HIC1: variants seen among roughly 807,000 people sequenced by gnomAD.
HIC1 encodes hypermethylated in cancer 1 protein.
In HIC1, 9 loss-of-function variants were observed where a neutral mutation model predicts 26.4. The observed-to-expected ratio is 0.34, with a 90% CI of 0.21 to 0.59. The LOEUF is 0.59. HIC1 is among the 20% of genes least tolerant of loss of function. The pLI, the probability that HIC1 is intolerant of heterozygous loss-of-function variation, is 0.82. For synonymous variants in HIC1, 631 were observed against 523.1 expected, an observed-to-expected ratio of 1.21 and a Z score of -2.81; for missense variants, 965 against 1,075.7, an observed-to-expected ratio of 0.90 and a Z score of 1.44.
chr17:2,057,522 C>T lies in HIC1; in HGVS notation c.832C>T (p.Leu278=), dbSNP rs1028740169. 4 of 1,493,482 alleles carry T rather than the reference C, an allele frequency of 2.7e-6. No individual in the cohort carries two copies. The highest frequency in any genetic ancestry group is 3.5e-6 in the Non-Finnish European group (4 of 1,127,436). 92.5% of individuals were successfully genotyped at this position (1,493,482 alleles called of 1,614,324 possible). A position where few individuals can be genotyped will look rare whatever the true frequency, so the allele number is the denominator to read the frequency against. ...PSLPPLPFQK[L]EEAAPPSDPF... ...GCTGCCGCCGCTGCCCTTCCAGAAG[C>T]TGGAGGAGGCCGCACCGCCTTCCGA... The change falls in exon 2 of 2, where the codon CTG becomes TTG. Residue 278 remains leucine (L), a synonymous_variant. Coordinates refer to ENST00000619757, the MANE Select transcript of HIC1 (RefSeq NM_006497.4).
rs1180961884 is a variant in HIC1 at position 2,061,369 on chromosome 17, G to A, written c.*2534G>A. On this transcript the variant is annotated 3_prime_UTR_variant, in exon 2 of 2. Coordinates refer to ENST00000619757, the MANE Select transcript of HIC1 (RefSeq NM_006497.4). ...AGCATGGCCGTGGCGTGGGTTGGAA[G>A]AGGATGGTTTATTGTCTGGGTGGAT... The A allele has an allele frequency of 3.1e-6, 3 of 981,546 alleles. No individual in the cohort carries two copies. The East Asian group carries it at 8.1e-5, about 26-fold the overall frequency. The allele number at this position is 981,546 out of a possible 1,614,324, so 60.8% of individuals were successfully genotyped here. A position where few individuals can be genotyped will look rare whatever the true frequency, so the allele number is the denominator to read the frequency against.
chr17:2,057,320 C>G lies in HIC1; in HGVS notation c.630C>G (p.Leu210=), dbSNP rs777392850. Residue 210 remains leucine, a synonymous_variant, in exon 2 of 2, where the codon CTC becomes CTG. Coordinates refer to ENST00000619757, the MANE Select transcript of HIC1 (RefSeq NM_006497.4). ...CGGGACCCGGCCCGGCCGCCGCACT[C>G]TGTGCCTCGGAGCGCCGCTGCTCCC... The part of the protein sequence containing the change: ...YASGPGPAAA[L]CASERRCSPL... 11 of 1,503,872 alleles carry G rather than the reference C, an allele frequency of 7.3e-6. No individual in the cohort carries two copies. The highest frequency in any genetic ancestry group is 6.1e-5 in the South Asian group (5 of 81,350). 93.2% of individuals were successfully genotyped at this position (1,503,872 alleles called of 1,614,324 possible). A position where few individuals can be genotyped will look rare whatever the true frequency, so the allele number is the denominator to read the frequency against.
Position 2,058,591 on chromosome 17 carries a change from C to A in HIC1, c.1901C>A (p.Ala634Asp). 1 of 1,550,640 alleles carries A rather than the reference C, an allele frequency of 6.4e-7. No individual in the cohort carries two copies. Among genetic ancestry groups the A allele is most frequent in the Non-Finnish European group, 8.6e-7 (1 of 1,156,858 alleles). ...TTCCCCGAGGGCGTCTTTGCTGTGGCTCGCCTCACGGCCGAGCAGCTGAGC... is the reference window on the plus strand; with the variant it reads ...TTCCCCGAGGGCGTCTTTGCTGTGGATCGCCTCACGGCCGAGCAGCTGAGC... ...LDFPEGVFAVARLTAEQLSLK... is the reference protein window; with the variant it reads ...LDFPEGVFAVDRLTAEQLSLK... The change falls in exon 2 of 2, where the codon GCT (alanine) becomes GAT (aspartate). Residue 634 changes from alanine (A) to aspartate (D), a missense_variant. Physicochemically the swap from Ala to Asp is moderately radical, Grantham distance 126 (BLOSUM62 -2). This residue lies in a region of HIC1 where 210 missense variants were observed against 179.2 expected (regional missense o/e 1.17). Coordinates refer to ENST00000619757, the MANE Select transcript of HIC1 (RefSeq NM_006497.4).
At chr17:2,056,207 T>A (rs1304287341) in intron 1 of HIC1, 9 of 1,021,542 alleles carry the variant, frequency 8.8e-6, no homozygotes, top group Non-Finnish European at 1.2e-5. Context: ...CGCGCTCCCC[T>A]CCTCCGTATC....
In HIC1 at chr17:2,058,855, C is replaced by T; in HGVS notation, c.*20C>T. On this transcript the variant is annotated 3_prime_UTR_variant, in exon 2 of 2. Transcript: ENST00000619757. ...ACCTAGAGCGCCCCTCGCCAGCCCG[C>T]TCTGTCGCTGCTGCGCGGCCCTGGC... The T allele has an allele frequency of 7.1e-7, 1 of 1,418,314 alleles. No homozygotes were observed. The highest frequency in any genetic ancestry group is 9.2e-7 in the Non-Finnish European group (1 of 1,089,950). 87.9% of individuals were successfully genotyped at this position (1,418,314 alleles called of 1,614,324 possible).
Position 2,057,645 on chromosome 17 carries a change from CT to C in HIC1, c.956del (p.Leu319ArgfsTer115), listed in dbSNP as rs2067685437. 6.6e-7 allele frequency: 1 copy of C among 1,516,388 alleles called. No homozygotes were observed. The highest frequency in any genetic ancestry group is 1.4e-5 in the African/African-American group (1 of 69,672). 93.9% of individuals were successfully genotyped at this position (1,516,388 alleles called of 1,614,324 possible). ...TCGCTGGATGAAGCACGAGCCGGGC[CT>C]GGGTAGCTATGGCGACGAGCTGGGC... ...LYRWMKHEPG[L>X]GSYGDELGRE... is the part of the protein sequence containing the mutation. On this transcript the variant is annotated frameshift_variant, in exon 2 of 2. Transcript: ENST00000619757. LOFTEE classifies it high-confidence loss of function.
rs760909977 is a variant in HIC1 at position 2,057,227 on chromosome 17, G to A, written c.537G>A (p.Pro179=). 224 of 1,413,422 alleles carry A rather than the reference G, an allele frequency of 1.6e-4. 2 individuals carry two copies. The East Asian group carries it at 6.9e-3, about 44-fold the overall frequency. The allele number at this position is 1,413,422 out of a possible 1,614,324, so 87.6% of individuals were successfully genotyped here. Residue 179 remains proline, a synonymous_variant, in exon 2 of 2, where the codon CCG becomes CCA. Transcript: ENST00000619757. ...CYPSPVGPPP[P]PAAEPPSGPE... ...CGTCCCCAGTCGGGCCTCCGCCGCC[G>A]CCTGCCGCGGAGCCGCCCTCGGGCC... is the stretch of plus-strand genomic sequence containing the variant.
In HIC1 at chr17:2,058,613, G is replaced by C; in HGVS notation, c.1923G>C (p.Leu641=). The C allele has an allele frequency of 2.6e-6, 4 of 1,559,102 alleles. No individual in the cohort carries two copies. The highest frequency in any genetic ancestry group is 1.2e-5 in the South Asian group (1 of 84,910). The change falls in exon 2 of 2, where the codon CTG becomes CTC. Residue 641 remains leucine, a synonymous_variant. Transcript: ENST00000619757. ...TGGCTCGCCTCACGGCCGAGCAGCT[G>C]AGCCTGAAGCAGCAGGACAAGGCGG... ...FAVARLTAEQ[L]SLKQQDKAAA... is the part of the protein sequence containing the mutation.
chr17:2,056,564 C>A, intron 1 of HIC1, 107 bp from the exon 2 acceptor site: 1 of 1,423,038 alleles, frequency 7.0e-7, no homozygotes, highest in South Asian at 1.4e-5. Flanking sequence ...AGGGCTGATG[C>A]CCCCGCTCAG....
Position 2,058,414 on chromosome 17 carries a change from A to G in HIC1, c.1724A>G (p.Gln575Arg). 6.2e-7 allele frequency: 1 copy of G among 1,608,318 alleles called. No homozygotes were observed. The highest frequency in any genetic ancestry group is 2.2e-5 in the East Asian group (1 of 44,558). The change falls in exon 2 of 2, where the codon CAG (glutamine) becomes CGG (arginine). Residue 575 changes from glutamine to arginine, a missense_variant. Around this residue, in one of 6 missense-constraint regions of HIC1, gnomAD observed 45 missense variants for 119.9 expected, o/e 0.38. Transcript: ENST00000619757. The part of the protein sequence containing the change: ...IHSGEKPYEC[Q>R]VCGGKFAQQR... Reference sequence around the variant, plus strand: ...TCGGGCGAGAAGCCCTACGAGTGCCAGGTGTGCGGCGGCAAGTTCGCACAG... The same window carrying G: ...TCGGGCGAGAAGCCCTACGAGTGCCGGGTGTGCGGCGGCAAGTTCGCACAG...
Position 2,061,409 on chromosome 17 carries a change from C to G in HIC1, c.*2574C>G. 1 of 1,364,952 alleles carries G rather than the reference C, an allele frequency of 7.3e-7. No individual in the cohort carries two copies. The highest frequency in any genetic ancestry group is 1.3e-5 in the South Asian group (1 of 76,318). The allele number at this position is 1,364,952 out of a possible 1,614,324, so 84.6% of individuals were successfully genotyped here. A position where few individuals can be genotyped will look rare whatever the true frequency, so the allele number is the denominator to read the frequency against. On this transcript the variant is annotated 3_prime_UTR_variant, in exon 2 of 2. Transcript: ENST00000619757. The stretch of plus-strand genomic sequence containing the variant: ...TCTGGGTGGATTGGTGGCTCAGGCA[C>G]GTGGGCATCTTCCGTGCTACACTGG...
At position 2,055,890 on chromosome 17, in the gene HIC1, G is replaced by T. The variant is rs1360882263; in HGVS notation, c.-21+652G>T. On this transcript the variant is annotated intron_variant, in intron 1 of 1. Coordinates refer to ENST00000619757, the MANE Select transcript of HIC1 (RefSeq NM_006497.4). The surrounding 1 kb of genome is among the most constrained non-coding windows in gnomAD (Gnocchi z 6.4). ...GGAGGGAGGCGCCGGGCCCGCGCGT[G>T]TAGGGCCCAGGCCGAGGCCGGGACG... Among the ~76,000 whole-genome samples, 1 of 150,552 alleles carries T rather than the reference G, an allele frequency of 6.6e-6. No homozygotes were observed. The highest frequency in any genetic ancestry group is 6.6e-5 in the Admixed American group (1 of 15,138).
In HIC1 at chr17:2,059,309, C is replaced by T. The variant is rs114468879; in HGVS notation, c.*474C>T. On this transcript the variant is annotated 3_prime_UTR_variant, in exon 2 of 2. Coordinates refer to ENST00000619757, the MANE Select transcript of HIC1 (RefSeq NM_006497.4). ...GGGACTGAGCCGGCCGGAGGGCCCC[C>T]CGCACCCCCGCTCCCACCCACCCCG... 1,321 of 172,732 alleles carry T rather than the reference C, an allele frequency of 7.6e-3. 26 individuals are homozygous for T. The highest frequency in any genetic ancestry group is 0.03 in the African/African-American group (1,245 of 41,780). 10.7% of individuals were successfully genotyped at this position (172,732 alleles called of 1,614,324 possible). A position where few individuals can be genotyped will look rare whatever the true frequency, so the allele number is the denominator to read the frequency against.
chr17:2,061,686 C>T lies in HIC1; in HGVS notation c.*2851C>T. The T allele has an allele frequency of 1.3e-6, 2 of 1,523,876 alleles. No individual in the cohort carries two copies. The highest frequency in any genetic ancestry group is 1.8e-6 in the Non-Finnish European group (2 of 1,128,944). 94.4% of individuals were successfully genotyped at this position (1,523,876 alleles called of 1,614,324 possible). A position where few individuals can be genotyped will look rare whatever the true frequency, so the allele number is the denominator to read the frequency against. On this transcript the variant is annotated 3_prime_UTR_variant, in exon 2 of 2. Transcript: ENST00000619757. ...AGGAGGCAGAGGGCTGGCTGCTCTTCTCACCCTGGAGAATGTGGTCCTGGG... is the reference window on the plus strand; with the variant it reads ...AGGAGGCAGAGGGCTGGCTGCTCTTTTCACCCTGGAGAATGTGGTCCTGGG...
chr17:2,056,537 G>A (rs1271446583), intron 1 of HIC1, 134 bp from the exon 2 acceptor site: 4 of 1,376,292 alleles, frequency 2.9e-6, no homozygotes, highest in African/African-American at 1.5e-5. Context: ...CCGGTCCTTC[G>A]CCGGTGCCCA....
Position 2,059,988 on chromosome 17 carries a change from T to C in HIC1, c.*1153T>C, listed in dbSNP as rs571374034. 2 of 152,396 alleles carry C rather than the reference T, an allele frequency of 1.3e-5. No individual in the cohort carries two copies. Among genetic ancestry groups the C allele is most frequent in the African/African-American group, 4.8e-5 (2 of 41,578 alleles). 9.4% of individuals were successfully genotyped at this position (152,396 alleles called of 1,614,324 possible). Reference sequence around the variant, plus strand: ...CTTAAAGGAGAGGCCGGGGACCCTGTACTCCAAAGAGCCCAGTCTTCTGAG... The same window carrying C: ...CTTAAAGGAGAGGCCGGGGACCCTGCACTCCAAAGAGCCCAGTCTTCTGAG... On this transcript the variant is annotated 3_prime_UTR_variant, in exon 2 of 2. Coordinates refer to ENST00000619757, the MANE Select transcript of HIC1 (RefSeq NM_006497.4).
At position 2,061,331 on chromosome 17, in the gene HIC1, G is replaced by A. The variant is rs2067767513; in HGVS notation, c.*2496G>A. 1 of 690,924 alleles carries A rather than the reference G, an allele frequency of 1.4e-6. No homozygotes were observed. Among genetic ancestry groups the A allele is most frequent in the African/African-American group, 1.8e-5 (1 of 55,628 alleles). The allele number at this position is 690,924 out of a possible 1,614,324, so 42.8% of individuals were successfully genotyped here. A position where few individuals can be genotyped will look rare whatever the true frequency, so the allele number is the denominator to read the frequency against. ...ATCCTTGGGAGGGGCTCTGTGAGGAGCAGGTCCCCCACAGCATGGCCGTGG... is the reference window on the plus strand; with the variant it reads ...ATCCTTGGGAGGGGCTCTGTGAGGAACAGGTCCCCCACAGCATGGCCGTGG... On this transcript the variant is annotated 3_prime_UTR_variant, in exon 2 of 2. Transcript: ENST00000619757.
chr17:2,057,762 C>T lies in HIC1; in HGVS notation c.1072C>T (p.Pro358Ser), dbSNP rs1401739471. 12 of 1,416,948 alleles carry T rather than the reference C, an allele frequency of 8.5e-6. No homozygotes were observed. The highest frequency in any genetic ancestry group is 1.0e-5 in the Non-Finnish European group (11 of 1,095,792). The allele number at this position is 1,416,948 out of a possible 1,614,324, so 87.8% of individuals were successfully genotyped here. A position where few individuals can be genotyped will look rare whatever the true frequency, so the allele number is the denominator to read the frequency against. The stretch of plus-strand genomic sequence containing the variant: ...GGGGCCCCCGCTCGGCCTGGCGCCG[C>T]CGCCGCGCTACCCTGGCAGCCTGGA... ...PGGPPLGLAP[P>S]PRYPGSLDGP... is the part of the protein sequence containing the mutation. Residue 358 changes from proline (P) to serine (S), a missense_variant, in exon 2 of 2, where the codon CCG (proline) becomes TCG (serine). By Grantham distance (74) the Pro-to-Ser change is moderately conservative (BLOSUM62 -1). Around this residue, in one of 6 missense-constraint regions of HIC1, gnomAD observed 526 missense variants for 525.0 expected, o/e 1.00. Transcript: ENST00000619757.
rs1341841476 is a variant in HIC1 at position 2,055,464 on chromosome 17, A to G, written c.-21+226A>G. The stretch of plus-strand genomic sequence containing the variant: ...GGCCCGGGGCCGGCTCTGCCCGCAC[A>G]TGGGCTGGAGAGGCGAGGGGAAGGG... On this transcript the variant is annotated intron_variant, in intron 1 of 1. Coordinates refer to ENST00000619757, the MANE Select transcript of HIC1 (RefSeq NM_006497.4). The surrounding 1 kb of genome is among the most constrained non-coding windows in gnomAD (Gnocchi z 6.4). 1.3e-5 allele frequency among the ~76,000 whole-genome samples: 2 copies of G among 150,698 alleles called. No individual in the cohort carries two copies. Among genetic ancestry groups the G allele is most frequent in the Non-Finnish European group, 1.5e-5 (1 of 67,496 alleles).
Sources: allele counts gnomAD v4.1 joint callset (sites outside exome capture counted in the v4.1 genomes callset), GRCh38; gene constraint gnomAD v4.1.1; regional missense constraint gnomAD v4.1.1; non-coding constraint Gnocchi (gnomAD v3.1); transcripts MANE v1.5; gene names NCBI Gene and HGNC (gene_info 2026-07-23, HGNC 2026-07-21).